SLC6A17: variants seen among roughly 807,000 people sequenced by gnomAD.
SLC6A17 encodes solute carrier family 6 member 17.
A neutral mutation model predicts 64.5 loss-of-function variants in SLC6A17; 21 were observed. The observed-to-expected ratio is 0.33, with a 90% confidence interval of 0.23 to 0.47. SLC6A17 has a LOEUF of 0.47. Ranked by LOEUF, SLC6A17 falls within the 20% of genes least tolerant of loss-of-function variation. SLC6A17 has a pLI of 1.00. For synonymous variants in SLC6A17, 372 were observed against 399.5 expected (o/e 0.93, Z 0.82); for missense variants, 682 against 963.2 (o/e 0.71, Z 3.86).
intron 3 of SLC6A17, 80 bp from the exon 4 acceptor site, chr1:110,173,893 G>GAGTTA: frequency 6.4e-7 from 1 of 1,558,116 alleles, no homozygotes; most frequent in Non-Finnish European, 8.7e-7. Flanking sequence ...CGCTGCCGAC[G>GAGTTA]TGCTGGGCCT....
At chr1:110,188,157 T>G (rs1045861617) in intron 6 of SLC6A17, among the ~76,000 whole-genome samples, 4 of 152,266 alleles carry the variant, frequency 2.6e-5, no homozygotes, top group African/African-American at 9.6e-5. Flanking sequence ...GGGGGTGATA[T>G]GTAATTAAGT....
chr1:110,158,464 C>T (rs1655817269), intron 1 of SLC6A17, among the ~76,000 whole-genome samples: 2 of 152,186 alleles, frequency 1.3e-5, no homozygotes, highest in Non-Finnish European at 2.9e-5. Context: ...TGATTCCTGG[C>T]TAAGCCCATT....
At chr1:110,175,947 C>T (rs1401307800) in intron 5 of SLC6A17, among the ~76,000 whole-genome samples, 1 of 152,132 alleles carries the variant, frequency 6.6e-6, no homozygotes, top group Non-Finnish European at 1.5e-5. Flanking sequence ...TGCCTGAGGC[C>T]ACATGTTGGT....
intron 1 of SLC6A17, among the ~76,000 whole-genome samples, chr1:110,151,905 G>A (rs1031468065): frequency 1.3e-5 from 2 of 152,114 alleles, no homozygotes; most frequent in African/African-American, 4.8e-5. Context: ...GGTGGGTTGG[G>A]GAGACAGGGA....
At chr1:110,198,008 C>G in intron 11 of SLC6A17, 68 bp from the exon 12 acceptor site, 2 of 1,548,624 alleles carry the variant, frequency 1.3e-6, no homozygotes, top group Non-Finnish European at 1.7e-6. Context: ...GGAGAGCAGT[C>G]TTGGAGGGCC....
intron 6 of SLC6A17, among the ~76,000 whole-genome samples, chr1:110,182,712 G>A (rs1656565114): frequency 6.6e-6 from 1 of 151,986 alleles, no homozygotes; most frequent in Non-Finnish European, 1.5e-5. Context: ...AATCAGCCAT[G>A]TCCAAAGCTG....
At chr1:110,196,388 T>C (rs1016097588) in intron 10 of SLC6A17, among the ~76,000 whole-genome samples, 3 of 152,206 alleles carry the variant, frequency 2.0e-5, no homozygotes, top group African/African-American at 7.2e-5. Flanking sequence ...ACCCACTTGG[T>C]CTGACCCTCC....
chr1:110,175,750 G>A (rs1656357387), intron 5 of SLC6A17, among the ~76,000 whole-genome samples: 1 of 152,192 alleles, frequency 6.6e-6, no homozygotes. Context: ...GCTCTAGAAA[G>A]GTAGAGTGAC....
At chr1:110,188,895 C>T (rs1372577802) in intron 6 of SLC6A17, among the ~76,000 whole-genome samples, 2 of 152,140 alleles carry the variant, frequency 1.3e-5, no homozygotes, top group South Asian at 2.1e-4. Context: ...GGAGCAACTC[C>T]GAGGAAGCCT....
At chr1:110,188,749 G>A (rs531627399) in intron 6 of SLC6A17, among the ~76,000 whole-genome samples, 1 of 152,348 alleles carries the variant, frequency 6.6e-6, no homozygotes, top group East Asian at 1.9e-4. Flanking sequence ...ACCCTTTGTT[G>A]ATTTCATAGC....
rs189935262 is a variant in SLC6A17 at position 110,154,830 on chromosome 1, G to A, written c.-88+3947G>A. ...TGCCAGGGATTTGTAGCAGTTTCTG[G>A]TGAGGCCCCAGACCCCAGAGAAAAC... On this transcript the variant is annotated intron_variant, in intron 1 of 11. Transcript: ENST00000331565. Among the ~76,000 whole-genome samples, 495 of 152,276 alleles carry A rather than the reference G, an allele frequency of 3.3e-3. 2 individuals carry two copies. The highest frequency in any genetic ancestry group is 5.0e-3 in the Admixed American group (76 of 15,286).
chr1:110,177,749 A>G (rs531527090), intron 6 of SLC6A17: 1 of 152,376 alleles, frequency 6.6e-6, no homozygotes, highest in South Asian at 2.1e-4. Context: ...ATGTGTGTAC[A>G]CACACACACC....
At chr1:110,173,920 G>A (rs1277899068) in intron 3 of SLC6A17, 53 bp from the exon 4 acceptor site, 11 of 1,580,028 alleles carry the variant, frequency 7.0e-6, no homozygotes, top group South Asian at 2.3e-5. Flanking sequence ...GAGCGTGGGG[G>A]CAGGGTGGAG....
chr1:110,177,840 T>G (rs1219202497), intron 6 of SLC6A17: 3 of 152,280 alleles, frequency 2.0e-5, no homozygotes, highest in African/African-American at 7.2e-5. Context: ...TGTAGGCTCC[T>G]GATGTCTCAG....
chr1:110,182,572 G>A (rs1218540311), intron 6 of SLC6A17, among the ~76,000 whole-genome samples: 2 of 151,908 alleles, frequency 1.3e-5, no homozygotes, highest in Non-Finnish European at 2.9e-5. Context: ...AGAGGCTGAG[G>A]GCGGGATAGC....
At chr1:110,182,779 G>A (rs1656567201) in intron 6 of SLC6A17, among the ~76,000 whole-genome samples, 1 of 152,146 alleles carries the variant, frequency 6.6e-6, no homozygotes, top group African/African-American at 2.4e-5. Flanking sequence ...CAACAGAGGG[G>A]TCACTAGTGA....
intron 1 of SLC6A17, among the ~76,000 whole-genome samples, chr1:110,160,406 G>A (rs1246809978): frequency 6.6e-6 from 1 of 152,260 alleles, no homozygotes; most frequent in African/African-American, 2.4e-5. Context: ...TAGAACACCT[G>A]TAAATACCAT....
chr1:110,196,856 C>T (rs1656982431), intron 10 of SLC6A17, among the ~76,000 whole-genome samples: 2 of 152,156 alleles, frequency 1.3e-5, no homozygotes, highest in Admixed American at 1.3e-4. Flanking sequence ...CTATTGGTGA[C>T]AGTCACAGGT....
At chr1:110,159,016 C>T (rs1047283537) in intron 1 of SLC6A17, among the ~76,000 whole-genome samples, 1 of 152,142 alleles carries the variant, frequency 6.6e-6, no homozygotes, top group Non-Finnish European at 1.5e-5. Flanking sequence ...GTAATTATCC[C>T]TCTCAGCTTC....
Sources: gnomAD v4.1 joint callset for allele counts (sites outside exome capture counted in the v4.1 genomes callset) on GRCh38, gnomAD v4.1.1 for gene constraint, MANE v1.5 for transcripts, NCBI Gene and HGNC (gene_info 2026-07-23, HGNC 2026-07-21) for gene names.